NRG3: variants seen among roughly 807,000 people sequenced by gnomAD.
NRG3 encodes pro-neuregulin-3, membrane-bound isoform.
Under a neutral mutation model 66.9 loss-of-function variants are expected in NRG3, and 31 were observed. The ratio of observed to expected loss-of-function variants is 0.46; its 90% CI spans 0.35 to 0.63. The LOEUF (loss-of-function observed/expected upper bound fraction) is 0.63. NRG3 is among the 20% of genes least tolerant of loss of function. NRG3 has a pLI of 0.00. For synonymous variants in NRG3, 393 were observed against 359.4 expected, an observed-to-expected ratio of 1.09 and a Z score of -1.06; for missense variants, 910 against 878.9, an observed-to-expected ratio of 1.04 and a Z score of -0.45.
At chr10:82,359,595 A>G (rs1366368866) in intron 2 of NRG3, among the ~76,000 whole-genome samples, 1 of 152,230 alleles carries the variant, frequency 6.6e-6, no homozygotes, top group Admixed American at 6.5e-5. Flanking sequence ...AAGACTCAAT[A>G]GAAGAATCAA....
chr10:82,253,067 C>G (rs2077560187), intron 1 of NRG3, among the ~76,000 whole-genome samples: 2 of 152,220 alleles, frequency 1.3e-5, no homozygotes, highest in South Asian at 2.1e-4. Context: ...TTCGCTTCGT[C>G]TAAGCCACAC....
intron 1 of NRG3, among the ~76,000 whole-genome samples, chr10:81,913,878 T>C (rs1035668348): frequency 6.6e-6 from 1 of 152,228 alleles, no homozygotes; most frequent in African/African-American, 2.4e-5. Flanking sequence ...AAACATACTT[T>C]AAAAGATGTT....
chr10:82,813,314 A>G (rs2061572725), intron 3 of NRG3, among the ~76,000 whole-genome samples: 1 of 149,250 alleles, frequency 6.7e-6, no homozygotes, highest in African/African-American at 2.5e-5. Flanking sequence ...CCCAGGCTCA[A>G]GTGATTCTCC....
chr10:82,647,663 CCTG>C (rs1189202876), intron 2 of NRG3, among the ~76,000 whole-genome samples: 3 of 149,708 alleles, frequency 2.0e-5, no homozygotes, highest in Non-Finnish European at 4.5e-5. Flanking sequence ...CTCTCCAGCA[CCTG>C]TTGTTTCCTG....
chr10:82,184,214 C>T (rs1343411565), intron 1 of NRG3, among the ~76,000 whole-genome samples: 2 of 152,032 alleles, frequency 1.3e-5, no homozygotes, highest in East Asian at 3.9e-4. Flanking sequence ...GACATTTGCA[C>T]CGATAGTATA....
chr10:81,910,316 C>T (rs1589426259), intron 1 of NRG3, among the ~76,000 whole-genome samples: 1 of 152,210 alleles, frequency 6.6e-6, no homozygotes, highest in Non-Finnish European at 1.5e-5. Context: ...AAGATATTTG[C>T]AAGAAGGTAG....
rs183713935 is a variant in NRG3 at position 82,125,588 on chromosome 10, G to T, written c.824-233151G>T. 3.9e-5 allele frequency among the ~76,000 whole-genome samples: 6 copies of T among 152,058 alleles called. 1 individual carries two copies. In the South Asian group the frequency reaches 1.0e-3, roughly 26 times the overall value. On this transcript the variant is annotated intron_variant, in intron 1 of 8. Coordinates refer to ENST00000372141, the MANE Select transcript of NRG3 (RefSeq NM_001010848.4). ...GTTCTTCAACAAATACCATCAATAT[G>T]CTGGTTAACCCCAAATGTATATTTT...
At chr10:82,948,092 A>G (rs937233281) in intron 4 of NRG3, among the ~76,000 whole-genome samples, 5 of 152,016 alleles carry the variant, frequency 3.3e-5, no homozygotes, top group African/African-American at 7.2e-5. Context: ...ATATATGTAT[A>G]GAGTATGAGA....
chr10:82,486,899 A>C lies in NRG3; in HGVS notation c.953+128031A>C, dbSNP rs577849306. On this transcript the variant is annotated intron_variant, in intron 2 of 8. Transcript: ENST00000372141. Reference sequence around the variant, plus strand: ...CGAACCCACAGAAGCAGAAAGTGGAATGGTACTTGCTAGGGCCTGGGAAGG... The same window carrying C: ...CGAACCCACAGAAGCAGAAAGTGGACTGGTACTTGCTAGGGCCTGGGAAGG... Among the ~76,000 whole-genome samples the C allele has an allele frequency of 1.3e-4, 20 of 152,110 alleles. No individual in the cohort carries two copies. In the East Asian group the frequency reaches 3.5e-3, roughly 27 times the overall value.
intron 2 of NRG3, among the ~76,000 whole-genome samples, chr10:82,648,866 G>T (rs887691999): frequency 6.6e-6 from 1 of 152,134 alleles, no homozygotes; most frequent in African/African-American, 2.4e-5. Context: ...TGTACCCTGA[G>T]ACTTTGCTGA....
At chr10:82,127,160 G>C (rs1349173031) in intron 1 of NRG3, among the ~76,000 whole-genome samples, 1 of 152,070 alleles carries the variant, frequency 6.6e-6, no homozygotes, top group Non-Finnish European at 1.5e-5. Context: ...GTGCTGCAAG[G>C]GCAGCTTAAG....
intron 1 of NRG3, among the ~76,000 whole-genome samples, chr10:82,140,195 G>T (rs955428602): frequency 6.6e-6 from 1 of 152,028 alleles, no homozygotes; most frequent in East Asian, 1.9e-4. Flanking sequence ...CTTCCTAGTC[G>T]ACTCTTTGCA....
chr10:82,652,060 G>A (rs2051458855), intron 2 of NRG3, among the ~76,000 whole-genome samples: 1 of 152,208 alleles, frequency 6.6e-6, no homozygotes, highest in Non-Finnish European at 1.5e-5. Flanking sequence ...ACCAGCAGGG[G>A]TGAACTTCAT....
At chr10:81,986,738 C>T (rs2347332) in intron 1 of NRG3, among the ~76,000 whole-genome samples, 55,779 of 152,008 alleles carry the variant, frequency 0.37, 12,923 homozygotes, top group East Asian at 0.77. Context: ...GTCACCCAGA[C>T]GAGAGCACAG....
intron 2 of NRG3, among the ~76,000 whole-genome samples, chr10:82,567,961 A>T (rs987752574): frequency 6.6e-6 from 1 of 151,938 alleles, no homozygotes; most frequent in Non-Finnish European, 1.5e-5. Flanking sequence ...TTAAGCCTGG[A>T]CATCCTGGAG....
At chr10:82,057,125 A>G (rs1006834480) in intron 1 of NRG3, among the ~76,000 whole-genome samples, 68 of 151,566 alleles carry the variant, frequency 4.5e-4, no homozygotes, top group African/African-American at 1.5e-3. Flanking sequence ...TTTCTTTCCT[A>G]TTTTCCATCA....
chr10:81,877,948 A>G (rs1333344502), intron 1 of NRG3: 2 of 1,537,502 alleles, frequency 1.3e-6, no homozygotes, highest in East Asian at 2.4e-5. Context: ...CTTTTGATGC[A>G]GTTGATAGAA....
At chr10:82,413,319 G>C (rs1473717781) in intron 2 of NRG3, among the ~76,000 whole-genome samples, 1 of 152,116 alleles carries the variant, frequency 6.6e-6, no homozygotes, top group East Asian at 1.9e-4. Flanking sequence ...GGGTGACCAG[G>C]TGCAATTGTC....
intron 2 of NRG3, among the ~76,000 whole-genome samples, chr10:82,703,177 A>G (rs2056029295): frequency 1.3e-5 from 2 of 152,146 alleles, no homozygotes; most frequent in Non-Finnish European, 2.9e-5. Context: ...TTTCTAGTTC[A>G]GAGTTTTCTA....
Sources: gnomAD v4.1 joint callset for allele counts (sites outside exome capture counted in the v4.1 genomes callset) on GRCh38, gnomAD v4.1.1 for gene constraint, MANE v1.5 for transcripts, NCBI Gene and HGNC (gene_info 2026-07-23, HGNC 2026-07-21) for gene names.